Variants in ZNF444 observed in about 807,000 individuals in gnomAD.
The protein encoded by ZNF444 is endothelial zinc finger protein 2.
Under a neutral mutation model 14.4 loss-of-function variants are expected in ZNF444, and 8 were observed. That is an observed-to-expected ratio of 0.56 (90% CI 0.33 to 1.00). The LOEUF (loss-of-function observed/expected upper bound fraction) is 1.00. Ranked by LOEUF, ZNF444 falls within the 50% of genes least tolerant of loss-of-function variation. The pLI is 0.03. For missense variants in ZNF444, 510 were observed against 504.8 expected, an observed-to-expected ratio of 1.01 and a Z score of -0.10; for synonymous variants, 258 against 235.9, an observed-to-expected ratio of 1.09 and a Z score of -0.86.
rs1012896849 is a variant in ZNF444 at position 56,144,805 on chromosome 19, A to C, written c.-196-1442A>C. Among the ~76,000 whole-genome samples, 1 of 152,232 alleles carries C rather than the reference A, an allele frequency of 6.6e-6. No homozygotes were observed. Among genetic ancestry groups the C allele is most frequent in the Non-Finnish European group, 1.5e-5 (1 of 68,040 alleles). On this transcript the variant is annotated intron_variant, in intron 1 of 4. Coordinates refer to ENST00000337080, the MANE Select transcript of ZNF444 (RefSeq NM_018337.4). This position sits in a 1 kb window ranked among gnomAD's most constrained non-coding sequence, Gnocchi z 4.0. ...AGACCCCAAGTACAGGGCTCCACAT[A>C]GGACAGAACTGATTCTTTTCTCCCA...
At chr19:56,158,684 C>A in intron 4 of ZNF444, 82 bp downstream of exon 4, 1 of 1,272,008 alleles carries the variant, frequency 7.9e-7, no homozygotes, top group Non-Finnish European at 1.1e-6. Context: ...GGCACCAGGA[C>A]CCAGGACAAG....
At chr19:56,153,269 C>T (rs1056688041) in intron 3 of ZNF444, among the ~76,000 whole-genome samples, 7 of 152,066 alleles carry the variant, frequency 4.6e-5, no homozygotes, top group Non-Finnish European at 7.4e-5. Context: ...TTGGCCTTGT[C>T]GAGTTTGTTT....
intron 1 of ZNF444, 31 bp downstream of exon 1, chr19:56,141,388 G>A (rs2123460813): frequency 8.7e-6 from 1 of 115,594 alleles, no homozygotes; most frequent in East Asian, 2.3e-4. Flanking sequence ...GGAGGGATTG[G>A]GTGGGGGCGG....
chr19:56,140,793 G>C (rs180872254), upstream of ZNF444, among the ~76,000 whole-genome samples: 2 of 152,118 alleles, frequency 1.3e-5, no homozygotes, highest in African/African-American at 4.8e-5. Context: ...CCAGCTTCTA[G>C]AGCTCCGGAG....
chr19:56,139,191 G>A (rs562395430), upstream of ZNF444, among the ~76,000 whole-genome samples: 19 of 151,854 alleles, frequency 1.3e-4, no homozygotes, highest in African/African-American at 4.6e-4. Flanking sequence ...AAAAAAAAAA[G>A]ATCCCTTTGG....
rs114850545 is a variant in ZNF444, at chr19:56,159,261, T to C, written c.407-363T>C. Among the ~76,000 whole-genome samples the C allele has an allele frequency of 7.2e-3, 1,085 of 151,236 alleles. 10 individuals carry two copies. The highest frequency in any genetic ancestry group is 0.025 in the African/African-American group (1,031 of 41,118). On this transcript the variant is annotated intron_variant, in intron 4 of 4. Transcript: ENST00000337080. ...CACCCACCCATCCATCATCTAGACA[T>C]TCATCCACCCCTCATCCACCCACGC...
intron 3 of ZNF444, chr19:56,156,779 C>G (rs759967753): frequency 6.6e-6 from 1 of 152,396 alleles, no homozygotes; most frequent in Non-Finnish European, 1.5e-5. Flanking sequence ...GTTAGGACCC[C>G]GGGGCTGCTC....
chr19:56,159,911 A>G lies in ZNF444; in HGVS notation c.694A>G (p.Ser232Gly). 7.3e-7 allele frequency: 1 copy of G among 1,376,368 alleles called. No individual in the cohort carries two copies. The highest frequency in any genetic ancestry group is 9.7e-7 in the Non-Finnish European group (1 of 1,026,478). The allele number at this position is 1,376,368 out of a possible 1,614,324, so 85.3% of individuals were successfully genotyped here. The change falls in exon 5 of 5, where the codon AGC becomes GGC. Residue 232 changes from serine to glycine, a missense_variant. Coordinates refer to ENST00000337080, the MANE Select transcript of ZNF444 (RefSeq NM_018337.4). ...GCGCCACCGCGACACGCACCCCGGC[A>G]GCCCCGGCAGCCCCGGGCCCGCGCT... The part of the protein sequence containing the change: ...LRRHRDTHPG[S>G]PGSPGPALRP...
chr19:56,151,744 T>C, intron 3 of ZNF444: 1 of 445,304 alleles, frequency 2.2e-6, no homozygotes, highest in Middle Eastern at 3.3e-4. Flanking sequence ...TATAGACAGC[T>C]GACATCTGGG....
In ZNF444 at chr19:56,132,939, T is replaced by C. The variant is rs1433754998; in HGVS notation, c.-197+161T>C. Among the ~76,000 whole-genome samples, 22 of 119,920 alleles carry C rather than the reference T, an allele frequency of 1.8e-4. No homozygotes were observed. In the East Asian group the frequency reaches 4.1e-3, roughly 22 times the overall value. The allele number at this position is 119,920 out of a possible 152,430, so 78.7% of individuals were successfully genotyped here. ...TTTTTCTTTCTTTCTTTCTTTCTTT[T>C]TTTTTTTTTTTTTTTTGAGACAGAG... On this transcript the variant is annotated intron_variant, in intron 1 of 2. Coordinates refer to the ZNF444 transcript ENST00000587467.
chr19:56,147,712 T>A lies in ZNF444; in HGVS notation c.297+504T>A, dbSNP rs113979568. ...CAAGGATACCCCCTGGTCCAAACTC[T>A]ACCCCAAATTCATCTTGCTTTTGGG... On this transcript the variant is annotated intron_variant, in intron 3 of 4. Transcript: ENST00000337080. This position sits in a 1 kb window ranked among gnomAD's most constrained non-coding sequence, Gnocchi z 5.9. Among the ~76,000 whole-genome samples, 6 of 152,074 alleles carry A rather than the reference T, an allele frequency of 3.9e-5. No individual in the cohort carries two copies. Among genetic ancestry groups the A allele is most frequent in the African/African-American group, 1.4e-4 (6 of 41,384 alleles).
intron 3 of ZNF444, chr19:56,150,123 C>T (rs931558409): frequency 1.2e-5 from 2 of 167,392 alleles, no homozygotes; most frequent in Admixed American, 5.5e-5. Flanking sequence ...TTCCAGTTTC[C>T]ATGACTCCTC....
intron 3 of ZNF444, chr19:56,155,943 C>A (rs1164179728): frequency 6.6e-6 from 1 of 152,174 alleles, no homozygotes; most frequent in Non-Finnish European, 1.5e-5. Flanking sequence ...AAGACTGACC[C>A]CCCATTTCTG....
chr19:56,160,006 G>A lies in ZNF444; in HGVS notation c.789G>A (p.Glu263=), dbSNP rs2032186533. ...CECGKTFYWR[E]HLVRHRKTHS... is the part of the protein sequence containing the mutation. Reference sequence around the variant, plus strand: ...GTGGCAAGACCTTCTACTGGCGCGAGCACCTGGTGCGCCACCGCAAGACGC... The same window carrying A: ...GTGGCAAGACCTTCTACTGGCGCGAACACCTGGTGCGCCACCGCAAGACGC... The change falls in exon 5 of 5, where the codon GAG becomes GAA. Residue 263 remains glutamate, a synonymous_variant. Coordinates refer to ENST00000337080, the MANE Select transcript of ZNF444 (RefSeq NM_018337.4). The A allele has an allele frequency of 1.3e-6, 2 of 1,512,686 alleles. No homozygotes were observed. Among genetic ancestry groups the A allele is most frequent in the Non-Finnish European group, 1.8e-6 (2 of 1,135,914 alleles). 93.7% of individuals were successfully genotyped at this position (1,512,686 alleles called of 1,614,324 possible). A position where few individuals can be genotyped will look rare whatever the true frequency, so the allele number is the denominator to read the frequency against.
Position 56,145,479 on chromosome 19 carries a change from G to C in ZNF444, c.-196-768G>C, listed in dbSNP as rs778869972. 9.2e-4 allele frequency among the ~76,000 whole-genome samples: 140 copies of C among 152,206 alleles called. 2 individuals are homozygous for C. The highest frequency in any genetic ancestry group is 1.2e-3 in the Non-Finnish European group (82 of 68,028). Reference sequence around the variant, plus strand: ...CGCACGTCTATAATCCCAGCTACTTGGGAGGATGAGGCAGGAGAATCGCTT... The same window carrying C: ...CGCACGTCTATAATCCCAGCTACTTCGGAGGATGAGGCAGGAGAATCGCTT... On this transcript the variant is annotated intron_variant, in intron 1 of 4. Transcript: ENST00000337080. This position sits in a 1 kb window ranked among gnomAD's most constrained non-coding sequence, Gnocchi z 4.3.
chr19:56,158,205 G>C, intron 3 of ZNF444: 1 of 283,856 alleles, frequency 3.5e-6, no homozygotes, highest in South Asian at 9.8e-5. Flanking sequence ...TGAGTGGCTT[G>C]GGCACGCGGA....
intron 3 of ZNF444, among the ~76,000 whole-genome samples, chr19:56,150,792 GTGA>G (rs1217201648): frequency 1.0e-4 from 15 of 145,094 alleles, no homozygotes; most frequent in Admixed American, 1.4e-4. Flanking sequence ...GGAGCTGACG[GTGA>G]CGCATAGACA....
At chr19:56,143,866 G>A (rs1297990544) in intron 1 of ZNF444, among the ~76,000 whole-genome samples, 1 of 152,148 alleles carries the variant, frequency 6.6e-6, no homozygotes, top group African/African-American at 2.4e-5. Context: ...GATCTGGGGA[G>A]GCTCTCCAAG....
In ZNF444 at chr19:56,160,325, C is replaced by A; in HGVS notation, c.*124C>A. ...TCCCATCGTCCTCCTCCACCTGCGC[C>A]TCCCTTGTCTGAACTTCCCAACGCC... On this transcript the variant is annotated 3_prime_UTR_variant, in exon 5 of 5. Coordinates refer to ENST00000337080, the MANE Select transcript of ZNF444 (RefSeq NM_018337.4). 1.3e-6 allele frequency: 1 copy of A among 756,740 alleles called. No individual in the cohort carries two copies. Among genetic ancestry groups the A allele is most frequent in the Non-Finnish European group, 1.9e-6 (1 of 514,564 alleles). 46.9% of individuals were successfully genotyped at this position (756,740 alleles called of 1,614,324 possible).
Sources: allele counts gnomAD v4.1 joint callset (sites outside exome capture counted in the v4.1 genomes callset), GRCh38; gene constraint gnomAD v4.1.1; non-coding constraint Gnocchi (gnomAD v3.1); transcripts MANE v1.5; gene names NCBI Gene and HGNC (gene_info 2026-07-23, HGNC 2026-07-21).